Variants in PAN3 observed in about 807,000 individuals in gnomAD.
PAN3 encodes the protein PAN2-PAN3 deadenylation complex subunit PAN3.
A neutral mutation model predicts 96.2 loss-of-function variants in PAN3; 19 were observed. That is an observed-to-expected ratio of 0.20 (90% confidence interval 0.14 to 0.29). The LOEUF is 0.29. Among genes scored for constraint, PAN3 ranks in the 10% least tolerant of loss-of-function variants. The pLI is 1.00. For synonymous variants in PAN3, 433 were observed against 406.6 expected, an observed-to-expected ratio of 1.06 and a Z score of -0.78; for missense variants, 882 against 1,108.1, an observed-to-expected ratio of 0.80 and a Z score of 2.90.
At chr13:28,148,364 C>T (rs1014810089) in intron 1 of PAN3, among the ~76,000 whole-genome samples, 5 of 152,014 alleles carry the variant, frequency 3.3e-5, no homozygotes, top group Non-Finnish European at 7.4e-5. Context: ...CTCGCTGCAG[C>T]GTTGAACTCC....
rs1887105577 is a variant in PAN3, at chr13:28,276,899, A to C, written c.2050-338A>C. On this transcript the variant is annotated intron_variant, in intron 14 of 18. Transcript: ENST00000380958. The stretch of plus-strand genomic sequence containing the variant: ...TATTACCTCTATTTAAATAAGAAAA[A>C]ATTAGAAAAACTTTTTAAAAGTGGC... Among the ~76,000 whole-genome samples the C allele has an allele frequency of 2.0e-5, 3 of 152,318 alleles. 1 individual carries two copies. The highest frequency in any genetic ancestry group is 6.8e-3 in the Middle Eastern group (2 of 294).
chr13:28,164,809 A>G (rs1050210229), intron 1 of PAN3, among the ~76,000 whole-genome samples: 1 of 152,254 alleles, frequency 6.6e-6, no homozygotes, highest in Non-Finnish European at 1.5e-5. Context: ...TTAAGTCTGA[A>G]GAAGAAAATT....
intron 3 of PAN3, among the ~76,000 whole-genome samples, chr13:28,177,520 T>A (rs1470537913): frequency 1.3e-5 from 2 of 152,094 alleles, no homozygotes; most frequent in African/African-American, 2.4e-5. Context: ...TCCCAAGATA[T>A]GGTCTCAAGA....
chr13:28,190,110 AT>A (rs1378607725), intron 4 of PAN3, among the ~76,000 whole-genome samples: 6 of 151,988 alleles, frequency 3.9e-5, no homozygotes, highest in South Asian at 2.1e-4. Context: ...CGCCTGGCTA[AT>A]TTTTGTATTT....
intron 6 of PAN3, among the ~76,000 whole-genome samples, chr13:28,248,021 T>C (rs999788513): frequency 7.2e-5 from 11 of 152,236 alleles, no homozygotes; most frequent in African/African-American, 2.7e-4. Context: ...ATTAACATTT[T>C]AACAATATTA....
At chr13:28,289,446 T>C (rs953808426) in intron 18 of PAN3, among the ~76,000 whole-genome samples, 3 of 152,112 alleles carry the variant, frequency 2.0e-5, no homozygotes, top group Non-Finnish European at 4.4e-5. Flanking sequence ...CCCAGCTAAT[T>C]TTTGTCCTTT....
chr13:28,278,667 G>T (rs1887236720), intron 15 of PAN3, among the ~76,000 whole-genome samples: 3 of 151,994 alleles, frequency 2.0e-5, no homozygotes, highest in African/African-American at 7.3e-5. Context: ...CTTTCAAACT[G>T]CTTGATGTGA....
At chr13:28,272,168 A>T (rs1041843613) in intron 14 of PAN3, 97 bp downstream of exon 14, 10 of 863,990 alleles carry the variant, frequency 1.2e-5, no homozygotes, top group South Asian at 6.4e-5. Flanking sequence ...CCTAGATTTT[A>T]ATTTATTTTG....
At position 28,289,860 on chromosome 13, in the gene PAN3, C is replaced by T. The variant is rs543647226; in HGVS notation, c.2523+1738C>T. Among the ~76,000 whole-genome samples, 11 of 151,610 alleles carry T rather than the reference C, an allele frequency of 7.3e-5. No individual in the cohort carries two copies. In the South Asian group the frequency reaches 1.5e-3, roughly 20 times the overall value. On this transcript the variant is annotated intron_variant, in intron 18 of 18. Transcript: ENST00000380958. ...TTGGGCCACTGCACTCCAGTCTGGC[C>T]GATAGAGCGAGACTCCGTCTCAAAA...
At chr13:28,165,862 T>G (rs1177914432) in intron 1 of PAN3, among the ~76,000 whole-genome samples, 1 of 152,114 alleles carries the variant, frequency 6.6e-6, no homozygotes, top group African/African-American at 2.4e-5. Flanking sequence ...AGTTTCCTTG[T>G]GCTTCATAAG....
intron 6 of PAN3, among the ~76,000 whole-genome samples, chr13:28,231,692 A>C (rs949849547): frequency 6.6e-6 from 1 of 152,174 alleles, no homozygotes; most frequent in African/African-American, 2.4e-5. Context: ...GGTGATTTAC[A>C]TGTAAAAATA....
intron 6 of PAN3, among the ~76,000 whole-genome samples, chr13:28,250,573 G>T (rs1452699923): frequency 6.6e-6 from 1 of 152,014 alleles, no homozygotes; most frequent in Non-Finnish European, 1.5e-5. Context: ...CAGCATGTTG[G>T]CCAGGCTGGT....
intron 6 of PAN3, among the ~76,000 whole-genome samples, chr13:28,243,937 C>T (rs763990153): frequency 8.5e-5 from 13 of 152,162 alleles, no homozygotes; most frequent in Admixed American, 1.3e-4. Flanking sequence ...CCACCTTCCT[C>T]GGCCTCCCAA....
chr13:28,280,385 A>G (rs1204903247), intron 15 of PAN3, 27 bp from the exon 16 acceptor site: 5 of 1,588,406 alleles, frequency 3.1e-6, no homozygotes, highest in Non-Finnish European at 4.3e-6. Context: ...TTGGACATCC[A>G]AGTAATTCCT....
chr13:28,209,746 CTCCT>C, intron 5 of PAN3, among the ~76,000 whole-genome samples: 1 of 151,980 alleles, frequency 6.6e-6, no homozygotes, highest in Non-Finnish European at 1.5e-5. Context: ...TCCCGTTTTT[CTCCT>C]TCCTGCCTGC....
chr13:28,139,453 G>C (rs1223702392), intron 1 of PAN3, among the ~76,000 whole-genome samples: 1 of 150,904 alleles, frequency 6.6e-6, no homozygotes, highest in Non-Finnish European at 1.5e-5. Flanking sequence ...CATGTGTTTT[G>C]CGTGTCCTTG....
chr13:28,293,698 T>A lies in PAN3; in HGVS notation c.*1176T>A, dbSNP rs1870036922. On this transcript the variant is annotated 3_prime_UTR_variant, in exon 19 of 19. Coordinates refer to ENST00000380958, the MANE Select transcript of PAN3 (RefSeq NM_175854.8). ...CCATCTCAAAAGTTTGGGATTTTCCTCCTCTTAACTTTCTTAATATTTGGA... is the reference window on the plus strand; with the variant it reads ...CCATCTCAAAAGTTTGGGATTTTCCACCTCTTAACTTTCTTAATATTTGGA... 6.6e-6 allele frequency: 1 copy of A among 152,622 alleles called. No individual in the cohort carries two copies. Among genetic ancestry groups the A allele is most frequent in the African/African-American group, 2.4e-5 (1 of 41,436 alleles). The allele number at this position is 152,622 out of a possible 1,614,324, so 9.5% of individuals were successfully genotyped here. A position where few individuals can be genotyped will look rare whatever the true frequency, so the allele number is the denominator to read the frequency against.
intron 1 of PAN3, among the ~76,000 whole-genome samples, chr13:28,148,390 C>G (rs1462916689): frequency 6.6e-6 from 1 of 152,086 alleles, no homozygotes; most frequent in Non-Finnish European, 1.5e-5. Flanking sequence ...TCTAGCAAAT[C>G]TCTCTCCTCA....
Position 28,266,756 on chromosome 13 carries a change from C to A in PAN3, c.1453C>A (p.Leu485Ile). Residue 485 changes from leucine to isoleucine, a missense_variant, in exon 10 of 19, where the codon CTA becomes ATA. By Grantham distance (5) the Leu-to-Ile change is conservative. Transcript: ENST00000380958. The part of the protein sequence containing the change: ...EVDSYHSLFP[L>I]EPLPPPNRIQ... ...TGACAGCTACCATAGCCTATTCCCT[C>A]TAGAACCACTGCCACCTCCCAACCG... is the stretch of plus-strand genomic sequence containing the variant. 1 of 1,609,446 alleles carries A rather than the reference C, an allele frequency of 6.2e-7. No individual in the cohort carries two copies. The highest frequency in any genetic ancestry group is 8.5e-7 in the Non-Finnish European group (1 of 1,177,624).
Sources: gnomAD v4.1 joint callset for allele counts (sites outside exome capture counted in the v4.1 genomes callset) on GRCh38, gnomAD v4.1.1 for gene constraint, MANE v1.5 for transcripts, NCBI Gene and HGNC (gene_info 2026-07-23, HGNC 2026-07-21) for gene names.